The following MICAL2 variants were observed in gnomAD, a reference collection of about 807,000 sequenced individuals.
The protein encoded by MICAL2 is microtubule associated monooxygenase, calponin and LIM domain containing 2.
MICAL2 carries 77 observed loss-of-function variants against 127.3 expected under a neutral mutation model. The ratio of observed to expected loss-of-function variants is 0.60; its 90% confidence interval spans 0.50 to 0.73. MICAL2 has a LOEUF of 0.73. MICAL2 is among the 30% of genes least tolerant of loss of function. The pLI, the probability that MICAL2 is intolerant of heterozygous loss-of-function variation, is 0.00. For synonymous variants in MICAL2, 570 were observed against 551.1 expected (o/e 1.03, Z -0.48); for missense variants, 1,351 against 1,434.4 (o/e 0.94, Z 0.94).
intron 20 of MICAL2, 167 bp downstream of exon 20, chr11:12,242,939 A>T (rs967829833): frequency 1.9e-6 from 1 of 518,850 alleles, no homozygotes; most frequent in African/African-American, 2.0e-5. Context: ...TCTAGAAAAG[A>T]CCCAAATGCG....
At chr11:12,172,398 G>A (rs1856376632) in intron 3 of MICAL2, among the ~76,000 whole-genome samples, 1 of 152,194 alleles carries the variant, frequency 6.6e-6, no homozygotes, top group Non-Finnish European at 1.5e-5. Context: ...GTCAACACCT[G>A]TGAAAGGAAT....
intron 3 of MICAL2, among the ~76,000 whole-genome samples, chr11:12,177,549 G>T (rs908228330): frequency 2.8e-4 from 43 of 152,146 alleles, no homozygotes; most frequent in African/African-American, 1.0e-3. Flanking sequence ...TGGCTTTGGT[G>T]TCATATCCAA....
chr11:12,236,574 C>T (rs117281599), intron 16 of MICAL2, among the ~76,000 whole-genome samples: 1 of 152,358 alleles, frequency 6.6e-6, no homozygotes, highest in East Asian at 1.9e-4. Context: ...CAATATACAA[C>T]CACTGTTAAC....
chr11:12,255,360 C>G (rs1038084088), intron 22 of MICAL2: 5 of 424,546 alleles, frequency 1.2e-5, no homozygotes, highest in Non-Finnish European at 2.2e-5. Context: ...AACCACTGTT[C>G]TACTGCCTGT....
chr11:12,148,662 A>G (rs1311341955), intron 2 of MICAL2, among the ~76,000 whole-genome samples: 1 of 152,208 alleles, frequency 6.6e-6, no homozygotes, highest in East Asian at 1.9e-4. Context: ...AGCACCCACC[A>G]TTGTCAGAGG....
chr11:12,224,783 C>T lies in MICAL2; in HGVS notation c.1651C>T (p.Leu551=), dbSNP rs1277256026. 1 of 1,613,980 alleles carries T rather than the reference C, an allele frequency of 6.2e-7. No individual in the cohort carries two copies. Among genetic ancestry groups the T allele is most frequent in the Non-Finnish European group, 8.5e-7 (1 of 1,179,934 alleles). The change falls in exon 13 of 28, where the codon CTG becomes TTG. Residue 551 remains leucine, a synonymous_variant. Transcript: ENST00000683283. The stretch of plus-strand genomic sequence containing the variant: ...CACATCCTGGCGCAGTGGGTTGGCC[C>T]TGTGTGCCATCATCCACCGCTTCCG... ...LTTSWRSGLA[L]CAIIHRFRPE...
intron 30 of MICAL2, among the ~76,000 whole-genome samples, chr11:12,322,474 C>T (rs906441770): frequency 6.6e-6 from 1 of 152,162 alleles, no homozygotes; most frequent in African/African-American, 2.4e-5. Flanking sequence ...AATTTTCTTC[C>T]AAGGATGAAG....
chr11:12,322,931 G>A (rs1175504509), intron 30 of MICAL2, among the ~76,000 whole-genome samples: 1 of 152,104 alleles, frequency 6.6e-6, no homozygotes, highest in African/African-American at 2.4e-5. Context: ...TCCCTACAAA[G>A]TAGGCAGTAA....
chr11:12,232,243 C>T (rs1322917514), intron 15 of MICAL2, among the ~76,000 whole-genome samples: 2 of 152,170 alleles, frequency 1.3e-5, no homozygotes, highest in African/African-American at 4.8e-5. Context: ...TCAATACAGC[C>T]CTTTGCAGCA....
chr11:12,268,352 AGGTT>A (rs1863631421), downstream of MICAL2, among the ~76,000 whole-genome samples: 1 of 152,182 alleles, frequency 6.6e-6, no homozygotes, highest in South Asian at 2.1e-4. Context: ...GGACAAGCTG[AGGTT>A]GGCAGCAGAG....
At chr11:12,202,276 C>T (rs1854121057) in intron 3 of MICAL2, among the ~76,000 whole-genome samples, 1 of 152,106 alleles carries the variant, frequency 6.6e-6, no homozygotes, top group Admixed American at 6.5e-5. Context: ...CTGAAATGTT[C>T]TTTTTTCTTT....
At chr11:12,323,908 A>G (rs1297864374) in intron 30 of MICAL2, 2 of 1,515,654 alleles carry the variant, frequency 1.3e-6, no homozygotes, top group Non-Finnish European at 8.9e-7. Context: ...GTAGAAGCCT[A>G]TAACGATATT....
rs1340033662 is a variant in MICAL2, at chr11:12,255,670, A to T, written c.2875A>T (p.Ile959Leu). Residue 959 changes from isoleucine (I) to leucine (L), a missense_variant, in exon 23 of 28, where the codon ATA (isoleucine) becomes TTA (leucine). Ile to Leu is a conservative substitution (Grantham distance 5). This residue lies in a region of MICAL2 where 752 missense variants were observed against 719.4 expected (regional missense o/e 1.05). Coordinates refer to ENST00000683283, the MANE Select transcript of MICAL2 (RefSeq NM_001282663.2). The part of the protein sequence containing the change: ...QLTVGKVSSG[I>L]GAAAEVLVNL... ...GACGGTAGGGAAAGTGTCCAGCGGA[A>T]TAGGGGCTGCAGCTGAAGTCCTGGT... The T allele has an allele frequency of 1.2e-6, 2 of 1,613,760 alleles. No individual in the cohort carries two copies. Among genetic ancestry groups the T allele is most frequent in the Non-Finnish European group, 1.7e-6 (2 of 1,179,964 alleles).
intron 15 of MICAL2, among the ~76,000 whole-genome samples, chr11:12,234,690 G>A (rs1478564719): frequency 6.6e-6 from 1 of 152,178 alleles, no homozygotes; most frequent in Non-Finnish European, 1.5e-5. Context: ...AAAAAATCTG[G>A]TGCTGGTAAA....
chr11:12,292,102 A>T (rs878993081), downstream of MICAL2: 164 of 1,584,526 alleles, frequency 1.0e-4, no homozygotes, highest in South Asian at 1.8e-3. Context: ...TGATAAAATA[A>T]TAACACCTTT....
intron 33 of MICAL2, among the ~76,000 whole-genome samples, chr11:12,353,952 A>T (rs760302845): frequency 1.3e-5 from 2 of 152,172 alleles, no homozygotes; most frequent in Non-Finnish European, 2.9e-5. Context: ...CTCCTAAAAG[A>T]GAGAAAAGCT....
chr11:12,271,936 C>T (rs1590716431), upstream of MICAL2, among the ~76,000 whole-genome samples: 1 of 152,130 alleles, frequency 6.6e-6, no homozygotes, highest in Non-Finnish European at 1.5e-5. Context: ...TTTACAGAGT[C>T]TCTACCTCAA....
At position 12,204,351 on chromosome 11, in the gene MICAL2, C is replaced by T. The variant is rs953647270; in HGVS notation, c.366C>T (p.Ser122=). 1 of 1,614,040 alleles carries T rather than the reference C, an allele frequency of 6.2e-7. No individual in the cohort carries two copies. Among genetic ancestry groups the T allele is most frequent in the Non-Finnish European group, 8.5e-7 (1 of 1,180,026 alleles). Residue 122 remains serine (S), a synonymous_variant, in exon 4 of 28, where the codon TCC becomes TCT. Coordinates refer to ENST00000683283, the MANE Select transcript of MICAL2 (RefSeq NM_001282663.2). ...TGGTGGAGAAGAGGGACTCCTTCTC[C>T]CGGAACAACGTGCTACACCTCTGGC... ...VVVVEKRDSF[S]RNNVLHLWPF...
intron 3 of MICAL2, among the ~76,000 whole-genome samples, chr11:12,173,945 C>T (rs1856560329): frequency 6.6e-6 from 1 of 152,112 alleles, no homozygotes; most frequent in African/African-American, 2.4e-5. Flanking sequence ...AGCATGTAAT[C>T]ACTGTGAAAT....
Sources: gnomAD v4.1 joint callset for allele counts (sites outside exome capture counted in the v4.1 genomes callset) on GRCh38, gnomAD v4.1.1 for gene constraint, gnomAD v4.1.1 regional missense constraint, MANE v1.5 for transcripts, NCBI Gene and HGNC (gene_info 2026-07-23, HGNC 2026-07-21) for gene names.